STK38: variants seen among roughly 807,000 people sequenced by gnomAD.
The protein encoded by STK38 is serine/threonine-protein kinase 38.
STK38 carries 26 observed loss-of-function variants against 59.0 expected under a neutral mutation model. The ratio of observed to expected loss-of-function variants is 0.44; its 90% CI spans 0.32 to 0.61. STK38 has a LOEUF of 0.61. Ranked by LOEUF, STK38 falls within the 20% of genes least tolerant of loss-of-function variation. The pLI is 0.04. For synonymous variants in STK38, 175 were observed against 176.6 expected (o/e 0.99, Z 0.07); for missense variants, 433 against 566.0 (o/e 0.76, Z 2.38).
chr6:36,543,990 A>G (rs1778003492), intron 1 of STK38, among the ~76,000 whole-genome samples: 2 of 152,288 alleles, frequency 1.3e-5, no homozygotes, highest in Admixed American at 1.3e-4. Flanking sequence ...TTTCCCCCTT[A>G]ATATTTAGTA....
intron 4 of STK38, among the ~76,000 whole-genome samples, chr6:36,523,951 A>G (rs975080063): frequency 8.5e-5 from 13 of 152,244 alleles, no homozygotes; most frequent in African/African-American, 1.4e-4. Flanking sequence ...TTTTGGTCCC[A>G]GTACTCAATG....
At chr6:36,498,582 C>CTTTTTTTTTTTTTTTT (rs1219622406) in intron 10 of STK38, 96 bp from the exon 11 acceptor site, 10 of 1,039,352 alleles carry the variant, frequency 9.6e-6, no homozygotes, top group South Asian at 1.8e-5. Flanking sequence ...CTTTTTTTTT[C>CTTTTTTTTTTTTTTTT]TTTTTTCTTT....
chr6:36,537,931 C>T (rs898663832), intron 2 of STK38, among the ~76,000 whole-genome samples: 1 of 151,418 alleles, frequency 6.6e-6, no homozygotes, highest in African/African-American at 2.4e-5. Flanking sequence ...ATGAAAGATG[C>T]CTTGCTCAAA....
intron 7 of STK38, among the ~76,000 whole-genome samples, chr6:36,514,027 C>T (rs1347654085): frequency 2.0e-5 from 3 of 151,332 alleles, no homozygotes; most frequent in Non-Finnish European, 4.4e-5. Flanking sequence ...TGGTGGCGGG[C>T]GCCTGTAGTC....
chr6:36,498,822 T>C (rs183955922), intron 10 of STK38, among the ~76,000 whole-genome samples: 1 of 152,002 alleles, frequency 6.6e-6, no homozygotes, highest in Non-Finnish European at 1.5e-5. Context: ...AACTCCTGGG[T>C]TTAAGAGATA....
At chr6:36,524,070 A>T (rs1349949250) in intron 4 of STK38, among the ~76,000 whole-genome samples, 2 of 152,132 alleles carry the variant, frequency 1.3e-5, no homozygotes, top group African/African-American at 4.8e-5. Context: ...GTAAATAATA[A>T]ATGTTGATTT....
At position 36,517,829 on chromosome 6, in the gene STK38, A is replaced by C; in HGVS notation, c.402T>G (p.Ile134Met). Residue 134 changes from isoleucine to methionine, a missense_variant, in exon 6 of 14, where the codon ATT becomes ATG. Ile to Met is a conservative substitution (Grantham distance 10, BLOSUM62 1). This residue lies in a region of STK38 where 293 missense variants were observed against 388.2 expected (regional missense o/e 0.75). Coordinates refer to ENST00000229812, the MANE Select transcript of STK38 (RefSeq NM_007271.4). ...DMLEKEQVGH[I>M]RAERDILVEA... is the part of the protein sequence containing the mutation. ...CCACTAGAATGTCACGCTCCGCACG[A>C]ATGTGGCCAACCTGGAGGTATATGC... 6.2e-7 allele frequency: 1 copy of C among 1,613,992 alleles called. No individual in the cohort carries two copies. The highest frequency in any genetic ancestry group is 8.5e-7 in the Non-Finnish European group (1 of 1,179,914).
intron 2 of STK38, among the ~76,000 whole-genome samples, chr6:36,534,464 C>G (rs892982732): frequency 3.3e-5 from 5 of 151,958 alleles, no homozygotes; most frequent in Admixed American, 1.3e-4. Flanking sequence ...GCCTAGTCAA[C>G]ATAGTGATAT....
chr6:36,538,337 A>G (rs1225900221), intron 2 of STK38, among the ~76,000 whole-genome samples: 6 of 152,022 alleles, frequency 3.9e-5, no homozygotes, highest in Non-Finnish European at 2.9e-5. Context: ...AAAAATCACA[A>G]CAGTGGTTGT....
chr6:36,532,308 AT>A (rs779295357), intron 2 of STK38, among the ~76,000 whole-genome samples: 2,116 of 78,954 alleles, frequency 0.027, 80 homozygotes, highest in East Asian at 0.085. Flanking sequence ...CCTTGTCTGC[AT>A]AAAAAAAAAA....
chr6:36,498,720 T>C (rs1022288809), intron 10 of STK38, among the ~76,000 whole-genome samples: 2 of 151,702 alleles, frequency 1.3e-5, no homozygotes, highest in Non-Finnish European at 2.9e-5. Flanking sequence ...TCCCAGTAGG[T>C]GGGACTACAG....
At chr6:36,535,971 G>C (rs1193606750) in intron 2 of STK38, among the ~76,000 whole-genome samples, 1 of 150,706 alleles carries the variant, frequency 6.6e-6, no homozygotes, top group Non-Finnish European at 1.5e-5. Flanking sequence ...AAAGAACACA[G>C]AATACTCAAA....
At chr6:36,536,189 G>C (rs763144271) in intron 2 of STK38, among the ~76,000 whole-genome samples, 1 of 152,084 alleles carries the variant, frequency 6.6e-6, no homozygotes, top group Non-Finnish European at 1.5e-5. Flanking sequence ...ATCTCATGGG[G>C]GAAGATCTTT....
intron 1 of STK38, among the ~76,000 whole-genome samples, chr6:36,540,930 G>A (rs926058996): frequency 2.7e-5 from 4 of 150,192 alleles, no homozygotes; most frequent in East Asian, 2.0e-4. Flanking sequence ...AAGGAGTCTC[G>A]CTCTGTCGCC....
intron 1 of STK38, among the ~76,000 whole-genome samples, chr6:36,544,872 AAACAAC>A (rs571933282): frequency 0.012 from 1,786 of 152,230 alleles, 39 homozygotes; most frequent in African/African-American, 0.04. Context: ...TCTGTCTTAA[AAACAAC>A]AACAACAACA....
At chr6:36,514,821 C>A (rs1209385816) in intron 7 of STK38, among the ~76,000 whole-genome samples, 1 of 140,284 alleles carries the variant, frequency 7.1e-6, no homozygotes, top group African/African-American at 2.7e-5. Flanking sequence ...GCACTCCAGC[C>A]TGGGCAAACA....
chr6:36,514,393 C>T (rs987601466), intron 7 of STK38, among the ~76,000 whole-genome samples: 5 of 151,654 alleles, frequency 3.3e-5, no homozygotes, highest in African/African-American at 1.2e-4. Context: ...GAAAAATACC[C>T]TAGAAAATAA....
At chr6:36,518,408 C>A (rs1163877871) in intron 5 of STK38, among the ~76,000 whole-genome samples, 1 of 152,160 alleles carries the variant, frequency 6.6e-6, no homozygotes, top group Non-Finnish European at 1.5e-5. Context: ...TATACTTTTA[C>A]TGAAATACCT....
intron 2 of STK38, among the ~76,000 whole-genome samples, chr6:36,539,547 C>G (rs1777881065): frequency 6.6e-6 from 1 of 152,170 alleles, no homozygotes; most frequent in South Asian, 2.1e-4. Context: ...ATCCCCAACA[C>G]AATCCTGCAA....
Sources: gnomAD v4.1 joint callset for allele counts (sites outside exome capture counted in the v4.1 genomes callset) on GRCh38, gnomAD v4.1.1 for gene constraint, gnomAD v4.1.1 regional missense constraint, MANE v1.5 for transcripts, NCBI Gene and HGNC (gene_info 2026-07-23, HGNC 2026-07-21) for gene names.